Variants in RIMBP2 observed in about 807,000 individuals in gnomAD.
The protein encoded by RIMBP2 is RIMS binding protein 2, also known as RIMS-binding protein 2.
A neutral mutation model predicts 118.6 loss-of-function variants in RIMBP2; 48 were observed. That is an observed-to-expected ratio of 0.40 (90% confidence interval 0.32 to 0.51). RIMBP2 has a LOEUF of 0.51. Ranked by LOEUF, RIMBP2 falls within the 20% of genes least tolerant of loss-of-function variation. The pLI is 0.41. For synonymous variants in RIMBP2, 762 were observed against 742.9 expected (o/e 1.03, Z -0.42); for missense variants, 1,551 against 1,768.3 (o/e 0.88, Z 2.20).
chr12:130,680,912 T>C (rs2064752935), intron 1 of RIMBP2, among the ~76,000 whole-genome samples: 1 of 152,204 alleles, frequency 6.6e-6, no homozygotes. Flanking sequence ...ACTTTTGAAG[T>C]ATGTTTTTAA....
At chr12:130,476,068 G>C (rs117063279) in intron 5 of RIMBP2, among the ~76,000 whole-genome samples, 1,930 of 152,256 alleles carry the variant, frequency 0.013, 25 homozygotes, top group Non-Finnish European at 0.019. Flanking sequence ...TGTGACTTCA[G>C]GACTGAGTCT....
intron 2 of RIMBP2, among the ~76,000 whole-genome samples, chr12:130,587,614 G>A (rs2058984888): frequency 1.1e-5 from 1 of 92,200 alleles, no homozygotes; most frequent in Non-Finnish European, 2.1e-5. Context: ...TCACTCATAG[G>A]TGGGAATTGA....
At chr12:130,495,304 G>A (rs2049042022) in intron 4 of RIMBP2, among the ~76,000 whole-genome samples, 3 of 152,208 alleles carry the variant, frequency 2.0e-5, no homozygotes, top group African/African-American at 7.2e-5. Flanking sequence ...CAAGCCATCA[G>A]CCACGCTGGT....
In RIMBP2 at chr12:130,614,858, T is replaced by C. The variant is rs2060801610; in HGVS notation, c.-217+13464A>G. 3.3e-5 allele frequency among the ~76,000 whole-genome samples: 5 copies of C among 149,658 alleles called. No homozygotes were observed. The South Asian group carries it at 1.0e-3, about 31-fold the overall frequency. On this transcript the variant is annotated intron_variant, in intron 2 of 22. Transcript: ENST00000690449. Reference sequence around the variant, plus strand: ...CAAATATATATATATAAAATACAGATATATAAAATATATATGTATATAAAT... The same window carrying C: ...CAAATATATATATATAAAATACAGACATATAAAATATATATGTATATAAAT...
At chr12:130,591,238 C>T (rs993504236) in intron 2 of RIMBP2, among the ~76,000 whole-genome samples, 6 of 152,230 alleles carry the variant, frequency 3.9e-5, no homozygotes, top group South Asian at 2.1e-4. Flanking sequence ...GGAACGTCAA[C>T]TCTCCACAGA....
In RIMBP2 at chr12:130,688,577, G is replaced by A. The variant is rs982043191; in HGVS notation, c.-352+27645C>T. Among the ~76,000 whole-genome samples the A allele has an allele frequency of 4.7e-5, 7 of 149,876 alleles. No individual in the cohort carries two copies. Among genetic ancestry groups the A allele is most frequent in the African/African-American group, 7.5e-5 (3 of 39,826 alleles). On this transcript the variant is annotated intron_variant, in intron 1 of 22. Transcript: ENST00000690449. This position sits in a 1 kb window ranked among gnomAD's most constrained non-coding sequence, Gnocchi z 4.7. ...TCCGTTACCCCCTGTCAGTTACCCCGGGTGACCCTTAGGACTCTGAGCACA... is the reference window on the plus strand; with the variant it reads ...TCCGTTACCCCCTGTCAGTTACCCCAGGTGACCCTTAGGACTCTGAGCACA...
At position 130,447,483 on chromosome 12, in the gene RIMBP2, G is replaced by A. The variant is rs889229872; in HGVS notation, c.582-2214C>T. On this transcript the variant is annotated intron_variant, in intron 9 of 22. Transcript: ENST00000690449. The surrounding 1 kb of genome is among the most constrained non-coding windows in gnomAD (Gnocchi z 4.4). ...TCAGGGGTCACGCAGCGCTGGAGGC[G>A]GGGGAGGAGGGACAGGTGATCACTG... Among the ~76,000 whole-genome samples, 5 of 152,142 alleles carry A rather than the reference G, an allele frequency of 3.3e-5. No individual in the cohort carries two copies. In the South Asian group the frequency reaches 6.2e-4, roughly 19 times the overall value.
intron 6 of RIMBP2, among the ~76,000 whole-genome samples, chr12:130,459,317 C>G (rs1362702012): frequency 6.6e-6 from 1 of 151,468 alleles, no homozygotes; most frequent in East Asian, 1.9e-4. Context: ...GATATAAACA[C>G]TCGAGAAAGC....
chr12:130,661,501 T>C (rs992386366), intron 1 of RIMBP2, among the ~76,000 whole-genome samples: 30 of 152,218 alleles, frequency 2.0e-4, no homozygotes, highest in African/African-American at 6.5e-4. Context: ...CCTAAACCAT[T>C]ACTGGTCATA....
At chr12:130,675,968 C>G (rs545197035) in intron 1 of RIMBP2, among the ~76,000 whole-genome samples, 2 of 152,236 alleles carry the variant, frequency 1.3e-5, no homozygotes, top group Non-Finnish European at 2.9e-5. Flanking sequence ...GTGTGGGGCT[C>G]TCACGATGGC....
intron 6 of RIMBP2, among the ~76,000 whole-genome samples, chr12:130,463,493 C>T (rs1192293724): frequency 1.3e-5 from 2 of 152,176 alleles, no homozygotes; most frequent in Non-Finnish European, 2.9e-5. Flanking sequence ...AAGACACCCC[C>T]ACAGCTCCCC....
intron 2 of RIMBP2, among the ~76,000 whole-genome samples, chr12:130,522,848 T>C (rs1334584999): frequency 1.3e-5 from 2 of 152,114 alleles, no homozygotes; most frequent in South Asian, 2.1e-4. Context: ...TATTTGGAGA[T>C]GGGACTCTTA....
At chr12:130,640,411 T>C (rs1372679201) in intron 1 of RIMBP2, among the ~76,000 whole-genome samples, 4 of 152,236 alleles carry the variant, frequency 2.6e-5, no homozygotes, top group East Asian at 1.9e-4. Flanking sequence ...TATTTCTTTA[T>C]TTTCAAACCG....
Position 130,633,501 on chromosome 12 carries a change from C to G in RIMBP2, c.-351-5045G>C, listed in dbSNP as rs530934773. 5.9e-5 allele frequency among the ~76,000 whole-genome samples: 9 copies of G among 152,216 alleles called. 1 individual carries two copies. In the South Asian group the frequency reaches 1.9e-3, roughly 32 times the overall value. On this transcript the variant is annotated intron_variant, in intron 1 of 22. Coordinates refer to ENST00000690449, the MANE Select transcript of RIMBP2 (RefSeq NM_001393629.1). ...CCCGAGTGTCCCGCCCACAGCCCAC[C>G]GAAACTGATCCTCGAGACCAAGGGT...
At chr12:130,649,366 C>A (rs1245778813) in intron 1 of RIMBP2, among the ~76,000 whole-genome samples, 1 of 152,240 alleles carries the variant, frequency 6.6e-6, no homozygotes, top group African/African-American at 2.4e-5. Flanking sequence ...CCCTCCGTGG[C>A]CGCCCAACCC....
chr12:130,460,266 A>T (rs1025638560), intron 6 of RIMBP2, among the ~76,000 whole-genome samples: 2 of 152,188 alleles, frequency 1.3e-5, no homozygotes, highest in Non-Finnish European at 2.9e-5. Flanking sequence ...CACTCTGTGC[A>T]CAGAGGACGC....
chr12:130,569,678 C>G (rs939256823), intron 2 of RIMBP2, among the ~76,000 whole-genome samples: 4 of 152,148 alleles, frequency 2.6e-5, no homozygotes, highest in Non-Finnish European at 5.9e-5. Flanking sequence ...CGTGCAGCCC[C>G]TCCCTCTTCT....
chr12:130,482,825 G>C (rs868480684), intron 4 of RIMBP2, among the ~76,000 whole-genome samples: 11 of 142,716 alleles, frequency 7.7e-5, no homozygotes, highest in Non-Finnish European at 3.1e-5. Flanking sequence ...ACATGTGTCA[G>C]ATTCTGCAGG....
intron 1 of RIMBP2, among the ~76,000 whole-genome samples, chr12:130,700,971 T>C (rs903802130): frequency 9.2e-5 from 14 of 152,266 alleles, no homozygotes; most frequent in African/African-American, 2.7e-4. Context: ...GAGCATGGTG[T>C]GTGTGCCACA....
Sources: allele counts gnomAD v4.1 joint callset (sites outside exome capture counted in the v4.1 genomes callset), GRCh38; gene constraint gnomAD v4.1.1; non-coding constraint Gnocchi (gnomAD v3.1); transcripts MANE v1.5; gene names NCBI Gene and HGNC (gene_info 2026-07-23, HGNC 2026-07-21).